The following KCNQ1 variants were observed in gnomAD, a reference collection of about 807,000 sequenced individuals.
The protein encoded by KCNQ1 is potassium voltage-gated channel subfamily Q member 1.
KCNQ1 carries 49 observed loss-of-function variants against 72.4 expected under a neutral mutation model. That is an observed-to-expected ratio of 0.68 (90% CI 0.54 to 0.86). The LOEUF is 0.86. KCNQ1 is among the 40% of genes least tolerant of loss of function. The pLI is 0.00. For synonymous variants in KCNQ1, 450 were observed against 412.6 expected (o/e 1.09, Z -1.10); for missense variants, 790 against 945.1 (o/e 0.84, Z 2.15).
rs1052188048 is a variant in KCNQ1, at chr11:2,473,614, G to A, written c.386+28130G>A. Among the ~76,000 whole-genome samples, 15 of 152,264 alleles carry A rather than the reference G, an allele frequency of 9.9e-5. No homozygotes were observed. Among genetic ancestry groups the A allele is most frequent in the East Asian group, 3.9e-4 (2 of 5,170 alleles). On this transcript the variant is annotated intron_variant, in intron 1 of 15. Coordinates refer to ENST00000155840, the MANE Select transcript of KCNQ1 (RefSeq NM_000218.3). The surrounding 1 kb of genome is among the most constrained non-coding windows in gnomAD (Gnocchi z 6.0). ...GCTTGTAGAGCGAGGGTGTGCGGCC[G>A]GCATCATCCTCAGGGAACTCTGGAG...
chr11:2,519,523 G>A (rs1847344038), intron 1 of KCNQ1, among the ~76,000 whole-genome samples: 1 of 152,324 alleles, frequency 6.6e-6, no homozygotes, highest in Non-Finnish European at 1.5e-5. Context: ...GGGAGACTGA[G>A]TTGGGAGGAT....
In KCNQ1 at chr11:2,507,122, T is replaced by A. The variant is rs1847117389; in HGVS notation, c.387-20806T>A. On this transcript the variant is annotated intron_variant, in intron 1 of 15. Coordinates refer to ENST00000155840, the MANE Select transcript of KCNQ1 (RefSeq NM_000218.3). The surrounding 1 kb of genome is among the most constrained non-coding windows in gnomAD (Gnocchi z 5.4). ...ATTCAGGGCCACAGTTGAGAGCTTT[T>A]TCCTCCACCGAGGTTAAGGGGAATC... Among the ~76,000 whole-genome samples, 1 of 152,202 alleles carries A rather than the reference T, an allele frequency of 6.6e-6. No individual in the cohort carries two copies. Among genetic ancestry groups the A allele is most frequent in the African/African-American group, 2.4e-5 (1 of 41,450 alleles).
chr11:2,514,466 C>G (rs1345506666), intron 1 of KCNQ1, among the ~76,000 whole-genome samples: 1 of 152,338 alleles, frequency 6.6e-6, no homozygotes, highest in Admixed American at 6.5e-5. Flanking sequence ...TCCAGGGACA[C>G]CCAGTGTTCT....
intron 10 of KCNQ1, chr11:2,619,394 T>G (rs1400981227): frequency 3.0e-5 from 12 of 398,474 alleles, no homozygotes; most frequent in Non-Finnish European, 5.3e-5. Flanking sequence ...GATGTTCAAC[T>G]TCATCAAATA....
intron 11 of KCNQ1, chr11:2,680,116 T>G (rs376766966): frequency 5.1e-6 from 2 of 393,484 alleles, no homozygotes; most frequent in African/African-American, 4.2e-5. Flanking sequence ...GGTCTCAAAC[T>G]CCTGACCTCA....
chr11:2,507,970 G>T lies in KCNQ1; in HGVS notation c.387-19958G>T, dbSNP rs1326020858. Among the ~76,000 whole-genome samples, 2 of 152,122 alleles carry T rather than the reference G, an allele frequency of 1.3e-5. No homozygotes were observed. The highest frequency in any genetic ancestry group is 4.8e-5 in the African/African-American group (2 of 41,426). On this transcript the variant is annotated intron_variant, in intron 1 of 15. Coordinates refer to ENST00000155840, the MANE Select transcript of KCNQ1 (RefSeq NM_000218.3). The surrounding 1 kb of genome is among the most constrained non-coding windows in gnomAD (Gnocchi z 5.4). ...TTGACTTGGTGATGTGGGGTTATGA[G>T]TTTTATTCCACACACGTATGTGGGA...
rs1404295507 is a variant in KCNQ1 at position 2,495,674 on chromosome 11, T to C, written c.387-32254T>C. On this transcript the variant is annotated intron_variant, in intron 1 of 15. Coordinates refer to ENST00000155840, the MANE Select transcript of KCNQ1 (RefSeq NM_000218.3). The surrounding 1 kb of genome is among the most constrained non-coding windows in gnomAD (Gnocchi z 4.6). Reference sequence around the variant, plus strand: ...TAGTGAGTTTCTTCATCCTGAGTTCTAATTTGATCGTACTGTGTTCTGAGA... The same window carrying C: ...TAGTGAGTTTCTTCATCCTGAGTTCCAATTTGATCGTACTGTGTTCTGAGA... Among the ~76,000 whole-genome samples, 1 of 152,268 alleles carries C rather than the reference T, an allele frequency of 6.6e-6. No individual in the cohort carries two copies. The highest frequency in any genetic ancestry group is 1.5e-5 in the Non-Finnish European group (1 of 68,048).
In KCNQ1 at chr11:2,667,067, C is replaced by T. The variant is rs150129625; in HGVS notation, c.1514+4986C>T. 9.2e-4 allele frequency: 367 copies of T among 398,646 alleles called. 1 individual carries two copies. Among genetic ancestry groups the T allele is most frequent in the Non-Finnish European group, 1.4e-3 (317 of 226,104 alleles). 24.7% of individuals were successfully genotyped at this position (398,646 alleles called of 1,614,324 possible). ...CAGGCTCAAACCCGTCTCTGAAATGCACGGGGGGATTAAATGTTCTTCTAA... is the reference window on the plus strand; with the variant it reads ...CAGGCTCAAACCCGTCTCTGAAATGTACGGGGGGATTAAATGTTCTTCTAA... On this transcript the variant is annotated intron_variant, in intron 11 of 15. Transcript: ENST00000155840.
chr11:2,605,017 G>A (rs1185597844), intron 10 of KCNQ1, among the ~76,000 whole-genome samples: 3 of 151,982 alleles, frequency 2.0e-5, no homozygotes, highest in Admixed American at 2.0e-4. Flanking sequence ...TCTCCTTTTG[G>A]GTGTGATTTG....
rs979672672 is a variant in KCNQ1, at chr11:2,601,687, G to A, written c.1393+12833G>A. Among the ~76,000 whole-genome samples, 4 of 152,166 alleles carry A rather than the reference G, an allele frequency of 2.6e-5. No individual in the cohort carries two copies. The highest frequency in any genetic ancestry group is 7.2e-5 in the African/African-American group (3 of 41,422). ...ACACAATACACGATATCTTAGAAAC[G>A]GGGTCTTTTGGCTCGGCATCATTCT... On this transcript the variant is annotated intron_variant, in intron 10 of 15. Transcript: ENST00000155840. This position sits in a 1 kb window ranked among gnomAD's most constrained non-coding sequence, Gnocchi z 5.2.
rs543209064 is a variant in KCNQ1 at position 2,532,510 on chromosome 11, G to A, written c.477+4492G>A. ...TCATGGCCATGGTGGGGGCACGTTG[G>A]GGACACAGCAGAGAGTGAGGCAGCC... On this transcript the variant is annotated intron_variant, in intron 2 of 15. Transcript: ENST00000155840. Among the ~76,000 whole-genome samples the A allele has an allele frequency of 8.5e-5, 13 of 152,356 alleles. No individual in the cohort carries two copies. The East Asian group carries it at 2.5e-3, about 29-fold the overall frequency.
intron 15 of KCNQ1, among the ~76,000 whole-genome samples, chr11:2,807,791 T>A (rs957732611): frequency 2.0e-5 from 3 of 151,922 alleles, no homozygotes; most frequent in Non-Finnish European, 4.4e-5. Flanking sequence ...TCTGCCTCTT[T>A]CCCCCATCAC....
chr11:2,767,617 G>A lies in KCNQ1; in HGVS notation c.1515-1227G>A, dbSNP rs1846522219. On this transcript the variant is annotated intron_variant, in intron 11 of 15. Coordinates refer to ENST00000155840, the MANE Select transcript of KCNQ1 (RefSeq NM_000218.3). The surrounding 1 kb of genome is among the most constrained non-coding windows in gnomAD (Gnocchi z 4.6). ...GCGCAAAGCACCTTACTCCAGTAGG[G>A]GATTGAGAGAGGTGGGGTTAATGTG... Among the ~76,000 whole-genome samples the A allele has an allele frequency of 6.6e-6, 1 of 152,120 alleles. No homozygotes were observed. Among genetic ancestry groups the A allele is most frequent in the South Asian group, 2.1e-4 (1 of 4,818 alleles).
Position 2,658,423 on chromosome 11 carries a change from C to A in KCNQ1, c.1394-3538C>A. The A allele has an allele frequency of 2.5e-6, 1 of 398,574 alleles. No homozygotes were observed. The highest frequency in any genetic ancestry group is 4.4e-6 in the Non-Finnish European group (1 of 226,042). 24.7% of individuals were successfully genotyped at this position (398,574 alleles called of 1,614,324 possible). A position where few individuals can be genotyped will look rare whatever the true frequency, so the allele number is the denominator to read the frequency against. ...TATTTTGTTGCTCAAATTGTTCAAG[C>A]TGTGGCCACTGGTGGGTTCATGTGT... is the stretch of plus-strand genomic sequence containing the variant. On this transcript the variant is annotated intron_variant, in intron 10 of 15. Coordinates refer to ENST00000155840, the MANE Select transcript of KCNQ1 (RefSeq NM_000218.3). This position sits in a 1 kb window ranked among gnomAD's most constrained non-coding sequence, Gnocchi z 4.9.
In KCNQ1 at chr11:2,682,394, G is replaced by A; in HGVS notation, c.1514+20313G>A. ...CACATTCAAGGAGCATGAGGGTATA[G>A]GCTGGCTGTTTCTATTCAGTGTTTT... On this transcript the variant is annotated intron_variant, in intron 11 of 15. Transcript: ENST00000155840. This position sits in a 1 kb window ranked among gnomAD's most constrained non-coding sequence, Gnocchi z 5.8. The A allele has an allele frequency of 2.5e-6, 1 of 398,650 alleles. No homozygotes were observed. The highest frequency in any genetic ancestry group is 4.4e-6 in the Non-Finnish European group (1 of 226,092). The allele number at this position is 398,650 out of a possible 1,614,324, so 24.7% of individuals were successfully genotyped here.
At position 2,769,842 on chromosome 11, in the gene KCNQ1, C is replaced by CA; in HGVS notation, c.1590+924dup. ...TCTGAGCTGGGGGCCCCTGGCACCT[C>CA]AGCCACAGCCTCACCAGTCATAAGG... On this transcript the variant is annotated intron_variant, in intron 12 of 15. Transcript: ENST00000155840. The surrounding 1 kb of genome is among the most constrained non-coding windows in gnomAD (Gnocchi z 4.6). Among the ~76,000 whole-genome samples, 1 of 152,194 alleles carries CA rather than the reference C, an allele frequency of 6.6e-6. No homozygotes were observed. Among genetic ancestry groups the CA allele is most frequent in the African/African-American group, 2.4e-5 (1 of 41,496 alleles).
intron 11 of KCNQ1, chr11:2,685,866 C>A (rs1329823945): frequency 5.0e-6 from 2 of 398,614 alleles, no homozygotes; most frequent in East Asian, 7.1e-5. Flanking sequence ...ACCCAGGACT[C>A]AGACCACAAC....
rs529923724 is a variant in KCNQ1 at position 2,725,517 on chromosome 11, C to T, written c.1515-43327C>T. 4.6e-5 allele frequency among the ~76,000 whole-genome samples: 7 copies of T among 152,304 alleles called. No homozygotes were observed. In the South Asian group the frequency reaches 8.3e-4, roughly 18 times the overall value. ...TCGAGCTACTGATATAGAACCTCTGCGTTTAGCTGTGGTTTAGGAAGTGCA... is the reference window on the plus strand; with the variant it reads ...TCGAGCTACTGATATAGAACCTCTGTGTTTAGCTGTGGTTTAGGAAGTGCA... On this transcript the variant is annotated intron_variant, in intron 11 of 15. Transcript: ENST00000155840. The surrounding 1 kb of genome is among the most constrained non-coding windows in gnomAD (Gnocchi z 7.2).
intron 15 of KCNQ1, among the ~76,000 whole-genome samples, chr11:2,832,813 G>A (rs56192161): frequency 0.036 from 5,500 of 152,276 alleles, 146 homozygotes; most frequent in Non-Finnish European, 0.061. Flanking sequence ...GGCTGCCCCA[G>A]GTGACAACTG....
Sources: gnomAD v4.1 joint callset for allele counts (sites outside exome capture counted in the v4.1 genomes callset) on GRCh38, gnomAD v4.1.1 for gene constraint, Gnocchi (gnomAD v3.1) non-coding constraint, MANE v1.5 for transcripts, NCBI Gene and HGNC (gene_info 2026-07-23, HGNC 2026-07-21) for gene names.